DPP10: variants seen among roughly 807,000 people sequenced by gnomAD.
DPP10 encodes dipeptidyl peptidase like 10, also known as inactive dipeptidyl peptidase 10.
Under a neutral mutation model 120.9 loss-of-function variants are expected in DPP10, and 33 were observed. The observed-to-expected ratio is 0.27, with a 90% CI of 0.21 to 0.37. The LOEUF is 0.37. DPP10 is among the 10% of genes least tolerant of loss of function. The probability of loss-of-function intolerance (pLI) is 1.00; values close to 1 mark genes in which losing one functional copy is unlikely to be tolerated. For synonymous variants in DPP10, 337 were observed against 326.1 expected (o/e 1.03, Z -0.36); for missense variants, 816 against 942.8 (o/e 0.87, Z 1.76).
intron 19 of DPP10, among the ~76,000 whole-genome samples, chr2:115,807,461 T>G (rs904679613): frequency 6.6e-6 from 1 of 152,212 alleles, no homozygotes; most frequent in East Asian, 1.9e-4. Context: ...TTTCAGTTTT[T>G]GGATTTGTAC....
At chr2:114,716,222 G>T (rs1701338283) in intron 1 of DPP10, among the ~76,000 whole-genome samples, 1 of 152,066 alleles carries the variant, frequency 6.6e-6, no homozygotes, top group Non-Finnish European at 1.5e-5. Context: ...AAATAAATTA[G>T]TATTACAGCT....
At chr2:115,158,514 C>T (rs144608748) in intron 1 of DPP10, among the ~76,000 whole-genome samples, 82 of 152,260 alleles carry the variant, frequency 5.4e-4, no homozygotes, top group Middle Eastern at 3.4e-3. Context: ...TGAGGTAATC[C>T]ATTTTCAGAA....
intron 1 of DPP10, among the ~76,000 whole-genome samples, chr2:114,750,554 C>G (rs190904097): frequency 0.016 from 2,392 of 152,134 alleles, 82 homozygotes; most frequent in African/African-American, 0.055. Context: ...AAGAGGGTCT[C>G]GATCTCCTAA....
At chr2:115,529,149 T>C (rs1488505931) in intron 5 of DPP10, among the ~76,000 whole-genome samples, 1 of 152,036 alleles carries the variant, frequency 6.6e-6, no homozygotes, top group East Asian at 1.9e-4. Flanking sequence ...TAAAAAGTCC[T>C]AAAATAAGGC....
intron 1 of DPP10, among the ~76,000 whole-genome samples, chr2:114,789,725 AAT>A (rs1425886915): frequency 6.6e-6 from 1 of 152,250 alleles, no homozygotes; most frequent in African/African-American, 2.4e-5. Context: ...TACATTGATT[AAT>A]AATATGGTAC....
At chr2:114,903,640 T>A (rs1693757301) in intron 1 of DPP10, among the ~76,000 whole-genome samples, 1 of 152,188 alleles carries the variant, frequency 6.6e-6, no homozygotes, top group Non-Finnish European at 1.5e-5. Flanking sequence ...TTGGGGAGAA[T>A]TGTGACCTTT....
At chr2:115,831,192 A>G (rs1688883334) in intron 21 of DPP10, among the ~76,000 whole-genome samples, 1 of 152,216 alleles carries the variant, frequency 6.6e-6, no homozygotes, top group Non-Finnish European at 1.5e-5. Flanking sequence ...CACAAGTGAA[A>G]TGGTTCAGAA....
At chr2:114,757,542 A>G (rs1679893865) in intron 1 of DPP10, among the ~76,000 whole-genome samples, 1 of 152,202 alleles carries the variant, frequency 6.6e-6, no homozygotes, top group African/African-American at 2.4e-5. Flanking sequence ...GAAAGGGTAC[A>G]AAAAGGAAAG....
intron 1 of DPP10, among the ~76,000 whole-genome samples, chr2:114,653,967 T>C (rs1478665013): frequency 1.3e-5 from 2 of 152,158 alleles, no homozygotes; most frequent in Non-Finnish European, 1.5e-5. Context: ...GGGTAATCCA[T>C]AGGCCTCCAG....
intron 1 of DPP10, among the ~76,000 whole-genome samples, chr2:114,814,590 C>A (rs1685464343): frequency 6.6e-6 from 1 of 152,032 alleles, no homozygotes; most frequent in Non-Finnish European, 1.5e-5. Context: ...CCGATAGCTG[C>A]ATGTGGTTAG....
chr2:114,515,506 C>T (rs759623690), intron 1 of DPP10, among the ~76,000 whole-genome samples: 71 of 147,830 alleles, frequency 4.8e-4, no homozygotes, highest in Non-Finnish European at 3.6e-4. Flanking sequence ...ATAAAATGCT[C>T]ACGTAGGTCT....
intron 1 of DPP10, among the ~76,000 whole-genome samples, chr2:114,736,408 T>A (rs1677442379): frequency 6.6e-6 from 1 of 152,132 alleles, no homozygotes; most frequent in African/African-American, 2.4e-5. Context: ...ATCTGATGAA[T>A]GAAGGAATGA....
chr2:115,350,605 G>A (rs571568627), intron 3 of DPP10, among the ~76,000 whole-genome samples: 1 of 152,062 alleles, frequency 6.6e-6, no homozygotes, highest in African/African-American at 2.4e-5. Flanking sequence ...TGAAAAGGAG[G>A]TACAGAGAGG....
intron 1 of DPP10, among the ~76,000 whole-genome samples, chr2:115,198,726 A>C (rs11123287): frequency 0.45 from 68,570 of 151,902 alleles, 17,907 homozygotes; most frequent in Non-Finnish European, 0.59. Flanking sequence ...CAGACTTAAG[A>C]TCAGTGAAGA....
At chr2:115,275,825 G>T (rs1414774908) in intron 1 of DPP10, among the ~76,000 whole-genome samples, 2 of 150,636 alleles carry the variant, frequency 1.3e-5, no homozygotes, top group Non-Finnish European at 1.5e-5. Context: ...TCAGCCTCCC[G>T]AGTAGCTGGG....
intron 3 of DPP10, among the ~76,000 whole-genome samples, chr2:115,378,047 G>A (rs1038263748): frequency 2.0e-5 from 3 of 151,988 alleles, no homozygotes; most frequent in South Asian, 2.1e-4. Context: ...CTGTTTTTTG[G>A]TTCCATATGA....
At chr2:114,624,289 C>A (rs1355731358) in intron 1 of DPP10, among the ~76,000 whole-genome samples, 5 of 151,884 alleles carry the variant, frequency 3.3e-5, no homozygotes, top group Non-Finnish European at 7.4e-5. Flanking sequence ...CACAGTAGAA[C>A]TTGATATGTT....
chr2:115,714,758 C>T (rs979190601), intron 7 of DPP10, among the ~76,000 whole-genome samples: 1 of 152,096 alleles, frequency 6.6e-6, no homozygotes, highest in African/African-American at 2.4e-5. Context: ...GGATGGGCGC[C>T]GTGGCTCAAG....
chr2:115,180,476 G>T (rs114608883), intron 1 of DPP10, among the ~76,000 whole-genome samples: 326 of 152,120 alleles, frequency 2.1e-3, no homozygotes, highest in African/African-American at 7.6e-3. Flanking sequence ...GGATCTTTAG[G>T]TCAAACCTCT....
Sources: allele counts gnomAD v4.1 joint callset (sites outside exome capture counted in the v4.1 genomes callset), GRCh38; gene constraint gnomAD v4.1.1; transcripts MANE v1.5; gene names NCBI Gene and HGNC (gene_info 2026-07-23, HGNC 2026-07-21).